BCL11B: variants seen among roughly 807,000 people sequenced by gnomAD.
BCL11B encodes the protein B-cell lymphoma/leukemia 11B.
BCL11B carries 8 observed loss-of-function variants against 49.9 expected under a neutral mutation model. The observed-to-expected ratio is 0.16, with a 90% CI of 0.09 to 0.29. The LOEUF is 0.29. Ranked by LOEUF, BCL11B falls within the 10% of genes least tolerant of loss-of-function variation. The pLI is 1.00. For synonymous variants in BCL11B, 739 were observed against 637.4 expected (o/e 1.16, Z -2.40); for missense variants, 1,006 against 1,351.0 (o/e 0.74, Z 4.00).
rs59537098 is a variant in BCL11B at position 99,173,554 on chromosome 14, CA to C, written c.*596del. On this transcript the variant is annotated 3_prime_UTR_variant, in exon 4 of 4. Coordinates refer to ENST00000357195, the MANE Select transcript of BCL11B (RefSeq NM_138576.4). ...CACCCCCCACCCCAAAAACAAAAAC[CA>C]AAAAAAAAATTAAAAAATAATTAAA... is the stretch of plus-strand genomic sequence containing the variant. 128 of 172,962 alleles carry C rather than the reference CA, an allele frequency of 7.4e-4. 1 individual carries two copies. Among genetic ancestry groups the C allele is most frequent in the Middle Eastern group, 2.1e-3 (1 of 482 alleles). The allele number at this position is 172,962 out of a possible 1,614,324, so 10.7% of individuals were successfully genotyped here. A position where few individuals can be genotyped will look rare whatever the true frequency, so the allele number is the denominator to read the frequency against.
chr14:99,246,473 G>A (rs1888842571), intron 2 of BCL11B, among the ~76,000 whole-genome samples: 1 of 152,218 alleles, frequency 6.6e-6, no homozygotes, highest in African/African-American at 2.4e-5. Flanking sequence ...CGCAGGCCTG[G>A]GAACAGTGCC....
chr14:99,234,980 A>G (rs901494684), intron 2 of BCL11B, among the ~76,000 whole-genome samples: 1 of 151,236 alleles, frequency 6.6e-6, no homozygotes, highest in African/African-American at 2.4e-5. Context: ...TAAGCATTCC[A>G]CAGGGGTCTG....
Position 99,271,298 on chromosome 14 carries a change from GCGCCGCTGCCGCCGCTGC to G in BCL11B, c.-98_-81del. ...GGGGGAGGGGGTCCGAGCCGCCGCC[GCGCCGCTGCCGCCGCTGC>G]CGCCGCCGCCGCCGCCGCCGCACCT... On this transcript the variant is annotated 5_prime_UTR_variant, in exon 1 of 4. Coordinates refer to ENST00000357195, the MANE Select transcript of BCL11B (RefSeq NM_138576.4). The G allele has an allele frequency of 2.3e-6, 2 of 885,082 alleles. No individual in the cohort carries two copies. The highest frequency in any genetic ancestry group is 4.7e-5 in the South Asian group (1 of 21,370). The allele number at this position is 885,082 out of a possible 1,614,324, so 54.8% of individuals were successfully genotyped here. A position where few individuals can be genotyped will look rare whatever the true frequency, so the allele number is the denominator to read the frequency against.
At chr14:99,185,706 G>A (rs1886833316) in intron 3 of BCL11B, among the ~76,000 whole-genome samples, 1 of 152,060 alleles carries the variant, frequency 6.6e-6, no homozygotes. Context: ...ATCCAGTGCA[G>A]GCCTGGCTCA....
At chr14:99,233,085 G>A (rs1888385709) in intron 2 of BCL11B, among the ~76,000 whole-genome samples, 1 of 152,168 alleles carries the variant, frequency 6.6e-6, no homozygotes, top group Non-Finnish European at 1.5e-5. Flanking sequence ...ATGCTGAGGG[G>A]AAGGCCATGC....
Position 99,175,249 on chromosome 14 carries a change from C to T in BCL11B, c.1587G>A (p.Glu529=). 1 of 1,546,046 alleles carries T rather than the reference C, an allele frequency of 6.5e-7. No individual in the cohort carries two copies. The highest frequency in any genetic ancestry group is 8.7e-7 in the Non-Finnish European group (1 of 1,149,488). ...CCTCCTCCTCGTCCTCCTCCTCCGG[C>T]TCGTGGCCCAGCGACGGGTCGCTCT... ...HHESDPSLGH[E]PEEEDEEEEE... is the part of the protein sequence containing the mutation. Residue 529 remains glutamate, a synonymous_variant, in exon 4 of 4, where the codon GAG becomes GAA. Coordinates refer to ENST00000357195, the MANE Select transcript of BCL11B (RefSeq NM_138576.4).
rs1409413864 is a variant in BCL11B at position 99,271,272 on chromosome 14, C to A, written c.-54G>T. 1 of 1,264,716 alleles carries A rather than the reference C, an allele frequency of 7.9e-7. No individual in the cohort carries two copies. The highest frequency in any genetic ancestry group is 1.0e-6 in the Non-Finnish European group (1 of 1,003,528). The allele number at this position is 1,264,716 out of a possible 1,614,324, so 78.3% of individuals were successfully genotyped here. A position where few individuals can be genotyped will look rare whatever the true frequency, so the allele number is the denominator to read the frequency against. On this transcript the variant is annotated 5_prime_UTR_variant, in exon 1 of 4. Coordinates refer to ENST00000357195, the MANE Select transcript of BCL11B (RefSeq NM_138576.4). ...GGAGAGCTGCACTGATGGGGGGAGCCGGGGGAGGGGGTCCGAGCCGCCGCC... is the reference window on the plus strand; with the variant it reads ...GGAGAGCTGCACTGATGGGGGGAGCAGGGGGAGGGGGTCCGAGCCGCCGCC...
intron 3 of BCL11B, among the ~76,000 whole-genome samples, chr14:99,215,349 G>A (rs532939152): frequency 1.3e-5 from 2 of 152,282 alleles, no homozygotes; most frequent in South Asian, 4.1e-4. Flanking sequence ...AAAATGTTTC[G>A]GAGACCGCAG....
At chr14:99,202,106 C>T (rs930647753) in intron 3 of BCL11B, among the ~76,000 whole-genome samples, 2 of 152,138 alleles carry the variant, frequency 1.3e-5, no homozygotes, top group African/African-American at 4.8e-5. Context: ...CTCAGCCTCC[C>T]GATTAGCTGG....
At chr14:99,246,048 C>T (rs1009546107) in intron 2 of BCL11B, among the ~76,000 whole-genome samples, 2 of 152,164 alleles carry the variant, frequency 1.3e-5, no homozygotes, top group Non-Finnish European at 2.9e-5. Flanking sequence ...CGAGGCGGCT[C>T]CGATTCACTG....
rs774824400 is a variant in BCL11B at position 99,242,634 on chromosome 14, G to A, written c.428-11077C>T. On this transcript the variant is annotated intron_variant, in intron 2 of 3. Coordinates refer to ENST00000357195, the MANE Select transcript of BCL11B (RefSeq NM_138576.4). This position sits in a 1 kb window ranked among gnomAD's most constrained non-coding sequence, Gnocchi z 4.4. ...CCCACAACTCCAGCCCAAAGTCTTG[G>A]CCCAGCCAGGGTGAACAAACCAAAT... Among the ~76,000 whole-genome samples the A allele has an allele frequency of 2.0e-5, 3 of 152,168 alleles. No individual in the cohort carries two copies. Among genetic ancestry groups the A allele is most frequent in the Admixed American group, 2.0e-4 (3 of 15,282 alleles).
At chr14:99,269,521 C>CCA (rs1555385246) in intron 1 of BCL11B, among the ~76,000 whole-genome samples, 1 of 132,072 alleles carries the variant, frequency 7.6e-6, no homozygotes, top group African/African-American at 2.5e-5. Flanking sequence ...CTATTCCCCC[C>CCA]CCCCCAAAAA....
At chr14:99,267,360 A>AG (rs1230579989) in intron 1 of BCL11B, among the ~76,000 whole-genome samples, 2 of 152,204 alleles carry the variant, frequency 1.3e-5, no homozygotes, top group African/African-American at 4.8e-5. Flanking sequence ...TAAAAATATT[A>AG]GGGGCTGTTA....
chr14:99,191,409 A>C (rs1015838594), intron 3 of BCL11B, among the ~76,000 whole-genome samples: 23 of 152,130 alleles, frequency 1.5e-4, no homozygotes, highest in African/African-American at 5.3e-4. Flanking sequence ...ATCTAAAAAA[A>C]AAAAAATAGA....
At chr14:99,210,149 G>T (rs993185992) in intron 3 of BCL11B, among the ~76,000 whole-genome samples, 17 of 152,192 alleles carry the variant, frequency 1.1e-4, no homozygotes, top group African/African-American at 3.9e-4. Context: ...GGGGAAGGAG[G>T]TGCTGTGATT....
Position 99,175,666 on chromosome 14 carries a change from C to T in BCL11B, c.1170G>A (p.Arg390=). 6.4e-7 allele frequency: 1 copy of T among 1,555,952 alleles called. No individual in the cohort carries two copies. The highest frequency in any genetic ancestry group is 1.2e-5 in the South Asian group (1 of 85,612). Residue 390 remains arginine (R), a synonymous_variant, in exon 4 of 4, where the codon CGG becomes CGA. Coordinates refer to ENST00000357195, the MANE Select transcript of BCL11B (RefSeq NM_138576.4). ...VSPGRGNPMH[R]LLNPFQPSPK... The stretch of plus-strand genomic sequence containing the variant: ...GGCTGGGCTGGAAGGGGTTCAGGAG[C>T]CGGTGCATAGGGTTGCCGCGGCCCG...
chr14:99,218,614 T>TCC (rs1252261664), intron 3 of BCL11B, among the ~76,000 whole-genome samples: 1 of 152,152 alleles, frequency 6.6e-6, no homozygotes, highest in Non-Finnish European at 1.5e-5. Flanking sequence ...ATTTGGGGAA[T>TCC]CCCCTGTAAG....
Position 99,175,736 on chromosome 14 carries a change from A to G in BCL11B, c.1100T>C (p.Leu367Pro), listed in dbSNP as rs1475188615. The G allele has an allele frequency of 2.0e-6, 3 of 1,477,902 alleles. No homozygotes were observed. The highest frequency in any genetic ancestry group is 2.7e-6 in the Non-Finnish European group (3 of 1,130,320). The allele number at this position is 1,477,902 out of a possible 1,614,324, so 91.5% of individuals were successfully genotyped here. ...GGAGCTGTTGCCCGCCAGCTCGCGG[A>G]GCCGCCGCGAGAAGTCCATGGCGGG... ...DSPAMDFSRR[L>P]RELAGNSSTP... The change falls in exon 4 of 4, where the codon CTC (leucine) becomes CCC (proline). Residue 367 changes from leucine (L) to proline (P), a missense_variant. Around this residue, in one of 6 missense-constraint regions of BCL11B, gnomAD observed 411 missense variants for 542.2 expected, o/e 0.76. Coordinates refer to ENST00000357195, the MANE Select transcript of BCL11B (RefSeq NM_138576.4).
intron 3 of BCL11B, among the ~76,000 whole-genome samples, chr14:99,217,898 C>T (rs1343385348): frequency 1.3e-5 from 2 of 152,190 alleles, no homozygotes; most frequent in African/African-American, 4.8e-5. Flanking sequence ...TGAAAACATG[C>T]ACCATGTCTT....
Sources: gnomAD v4.1 joint callset for allele counts (sites outside exome capture counted in the v4.1 genomes callset) on GRCh38, gnomAD v4.1.1 for gene constraint, gnomAD v4.1.1 regional missense constraint, Gnocchi (gnomAD v3.1) non-coding constraint, MANE v1.5 for transcripts, NCBI Gene and HGNC (gene_info 2026-07-23, HGNC 2026-07-21) for gene names.